The following BCKDHB variants were observed in gnomAD, a reference collection of about 807,000 sequenced individuals.
BCKDHB encodes the protein 2-oxoisovalerate dehydrogenase subunit beta, mitochondrial.
Under a neutral mutation model 48.5 loss-of-function variants are expected in BCKDHB, and 41 were observed. That is an observed-to-expected ratio of 0.85 (90% CI 0.66 to 1.10). BCKDHB has a LOEUF of 1.10. Among genes scored for constraint, BCKDHB ranks in the 50% least tolerant of loss-of-function variants. BCKDHB has a pLI of 0.00. For synonymous variants in BCKDHB, 201 were observed against 174.8 expected, an observed-to-expected ratio of 1.15 and a Z score of -1.18; for missense variants, 496 against 494.2, an observed-to-expected ratio of 1.00 and a Z score of -0.03.
At chr6:80,129,350 A>C in intron 3 of BCKDHB, 121 bp downstream of exon 3, 1 of 783,730 alleles carries the variant, frequency 1.3e-6, no homozygotes, top group Non-Finnish European at 2.2e-6. Flanking sequence ...ATTCCTTTTC[A>C]TTTCCAACGC....
chr6:80,354,158 C>G, the BCKDHB span, among the ~76,000 whole-genome samples: 154 of 152,154 alleles, frequency 1.0e-3, no homozygotes, highest in African/African-American at 3.5e-3. Context: ...TATTGATCAT[C>G]TGTTATACTG....
chr6:80,258,078 C>A (rs529510607), intron 8 of BCKDHB, among the ~76,000 whole-genome samples: 3 of 152,014 alleles, frequency 2.0e-5, no homozygotes, highest in Admixed American at 6.6e-5. Context: ...CCTTTAAATA[C>A]GCTGTACTAT....
chr6:80,246,089 A>G (rs1345228456), intron 8 of BCKDHB, among the ~76,000 whole-genome samples: 1 of 152,172 alleles, frequency 6.6e-6, no homozygotes, highest in Non-Finnish European at 1.5e-5. Flanking sequence ...AAATAAATAA[A>G]TGGATGAATG....
chr6:80,147,602 G>A (rs568831341), intron 3 of BCKDHB, among the ~76,000 whole-genome samples: 1 of 152,086 alleles, frequency 6.6e-6, no homozygotes, highest in African/African-American at 2.4e-5. Flanking sequence ...ACTAAAAGCA[G>A]GGAGACGGGG....
chr6:80,131,791 T>C (rs1377257060), intron 3 of BCKDHB, among the ~76,000 whole-genome samples: 1 of 151,928 alleles, frequency 6.6e-6, no homozygotes, highest in Non-Finnish European at 1.5e-5. Flanking sequence ...TACAGCCGCA[T>C]ACCACCATGC....
chr6:80,128,402 T>TG (rs774859917), intron 2 of BCKDHB, among the ~76,000 whole-genome samples: 56 of 151,904 alleles, frequency 3.7e-4, no homozygotes, highest in Non-Finnish European at 7.1e-4. Flanking sequence ...AAGGGTGAGT[T>TG]TTTTCTTGGG....
At chr6:80,288,099 T>C (rs1766716283) in intron 9 of BCKDHB, among the ~76,000 whole-genome samples, 1 of 152,100 alleles carries the variant, frequency 6.6e-6, no homozygotes. Flanking sequence ...AAGCTTTTTT[T>C]TTCCAAATTG....
chr6:80,178,316 A>T (rs918853397), intron 6 of BCKDHB, among the ~76,000 whole-genome samples: 3 of 152,216 alleles, frequency 2.0e-5, no homozygotes, highest in Admixed American at 6.5e-5. Context: ...TAAGTTTAAC[A>T]TACTTTGAGT....
chr6:80,168,315 G>A (rs989500631), intron 4 of BCKDHB, among the ~76,000 whole-genome samples: 66 of 149,620 alleles, frequency 4.4e-4, no homozygotes, highest in African/African-American at 1.4e-3. Flanking sequence ...AAGAAAGAGC[G>A]AGAGAGAGGG....
the BCKDHB span, among the ~76,000 whole-genome samples, chr6:80,415,669 A>T: frequency 1.3e-5 from 2 of 151,998 alleles, no homozygotes; most frequent in Non-Finnish European, 2.9e-5. Flanking sequence ...TGGATTCGCC[A>T]GGCCAGTATT....
the BCKDHB span, among the ~76,000 whole-genome samples, chr6:80,450,233 A>T: frequency 6.6e-6 from 1 of 152,340 alleles, no homozygotes; most frequent in East Asian, 1.9e-4. Flanking sequence ...AGCCCTTCCT[A>T]AAATGAAGTG....
chr6:80,308,740 G>A (rs192368580), intron 9 of BCKDHB, among the ~76,000 whole-genome samples: 2,363 of 150,666 alleles, frequency 0.016, 52 homozygotes, highest in East Asian at 0.054. Context: ...GACTACAGGC[G>A]CCCGCCACCA....
At chr6:80,273,078 A>G (rs1202905142) in intron 8 of BCKDHB, 57 bp from the exon 9 acceptor site, 4 of 1,298,054 alleles carry the variant, frequency 3.1e-6, no homozygotes, top group East Asian at 2.5e-5. Flanking sequence ...TAAAACTACC[A>G]TCATATATAT....
At chr6:80,293,402 C>A (rs1273937388) in intron 9 of BCKDHB, among the ~76,000 whole-genome samples, 1 of 152,202 alleles carries the variant, frequency 6.6e-6, no homozygotes, top group South Asian at 2.1e-4. Context: ...AAAGCCACAG[C>A]CCAAGCTGTG....
At position 80,174,894 on chromosome 6, in the gene BCKDHB, A is replaced by G. The variant is rs114529277; in HGVS notation, c.742+3504A>G. 3.6e-3 allele frequency among the ~76,000 whole-genome samples: 543 copies of G among 152,330 alleles called. 6 individuals carry two copies. Among genetic ancestry groups the G allele is most frequent in the African/African-American group, 0.012 (519 of 41,590 alleles). Reference sequence around the variant, plus strand: ...TAATATTTACAAAATCTATGCATTTAAGACCTTGTATTTTATTTATGGAAT... The same window carrying G: ...TAATATTTACAAAATCTATGCATTTGAGACCTTGTATTTTATTTATGGAAT... On this transcript the variant is annotated intron_variant, in intron 6 of 9. Transcript: ENST00000320393.
intron 3 of BCKDHB, among the ~76,000 whole-genome samples, chr6:80,147,556 A>C (rs1026799141): frequency 6.6e-6 from 1 of 152,222 alleles, no homozygotes; most frequent in African/African-American, 2.4e-5. Flanking sequence ...ATTGTAATTT[A>C]AAACATAACT....
the BCKDHB span, among the ~76,000 whole-genome samples, chr6:80,418,182 G>T: frequency 6.6e-6 from 1 of 152,044 alleles, no homozygotes; most frequent in East Asian, 1.9e-4. Context: ...ACCTCTATCA[G>T]GTCGTTTGTT....
At chr6:80,346,906 C>T (rs1329493744), downstream of BCKDHB, among the ~76,000 whole-genome samples, 4 of 149,582 alleles carry the variant, frequency 2.7e-5, no homozygotes, top group Non-Finnish European at 4.4e-5. Context: ...AAGATTTCCT[C>T]TCATGGGTTC....
At chr6:80,434,034 G>A in the BCKDHB span, among the ~76,000 whole-genome samples, 1 of 152,068 alleles carries the variant, frequency 6.6e-6, no homozygotes, top group Non-Finnish European at 1.5e-5. Context: ...CTTTATTTGG[G>A]AGGCATCTTT....
Sources: allele counts gnomAD v4.1 joint callset (sites outside exome capture counted in the v4.1 genomes callset), GRCh38; gene constraint gnomAD v4.1.1; transcripts MANE v1.5; gene names NCBI Gene and HGNC (gene_info 2026-07-23, HGNC 2026-07-21).